The following RIMS2 variants were observed in gnomAD, a reference collection of about 807,000 sequenced individuals.
The protein encoded by RIMS2 is regulating synaptic membrane exocytosis protein 2.
RIMS2 carries 59 observed loss-of-function variants against 174.4 expected under a neutral mutation model. That is an observed-to-expected ratio of 0.34 (90% CI 0.27 to 0.42). The LOEUF is 0.42. Among genes scored for constraint, RIMS2 ranks in the 10% least tolerant of loss-of-function variants. RIMS2 has a pLI of 1.00. For missense variants in RIMS2, 1,620 were observed against 1,666.3 expected (o/e 0.97, Z 0.48); for synonymous variants, 606 against 572.5 (o/e 1.06, Z -0.84).
chr8:103,812,331 GTTT>G (rs71575985), intron 3 of RIMS2, among the ~76,000 whole-genome samples: 1 of 111,612 alleles, frequency 9.0e-6, no homozygotes, highest in Admixed American at 1.1e-4. Flanking sequence ...TTATTACCTT[GTTT>G]TTTTTTTTTT....
At chr8:103,626,830 G>A (rs1181506511) in intron 1 of RIMS2, among the ~76,000 whole-genome samples, 1 of 151,984 alleles carries the variant, frequency 6.6e-6, no homozygotes, top group Non-Finnish European at 1.5e-5. Context: ...AAAAGGGGAG[G>A]GGGGGTGTAC....
chr8:104,223,751 G>T (rs2099168220), intron 19 of RIMS2: 1 of 1,595,824 alleles, frequency 6.3e-7, no homozygotes, highest in Non-Finnish European at 8.5e-7. Context: ...GGCACTGGCC[G>T]GCTACTTTCC....
chr8:103,565,989 A>T (rs1453847181), intron 1 of RIMS2, among the ~76,000 whole-genome samples: 2 of 152,240 alleles, frequency 1.3e-5, no homozygotes, highest in African/African-American at 4.8e-5. Flanking sequence ...ATTAAGAGGC[A>T]GAATGATCAT....
At chr8:103,528,490 G>A in intron 1 of RIMS2, among the ~76,000 whole-genome samples, 1 of 152,128 alleles carries the variant, frequency 6.6e-6, no homozygotes, top group Non-Finnish European at 1.5e-5. Context: ...GAATGGTATT[G>A]CCTAGGTTTT....
intron 19 of RIMS2, among the ~76,000 whole-genome samples, chr8:104,063,921 G>C: frequency 6.6e-6 from 1 of 152,040 alleles, no homozygotes; most frequent in South Asian, 2.1e-4. Flanking sequence ...TGTGTGTTTG[G>C]AAAAGCAAAC....
chr8:104,137,211 T>G (rs916605731), intron 19 of RIMS2, among the ~76,000 whole-genome samples: 2 of 152,332 alleles, frequency 1.3e-5, no homozygotes, highest in African/African-American at 2.4e-5. Context: ...AATAGCTGCT[T>G]CTTCAAATAA....
chr8:104,144,258 C>G (rs190412780), intron 19 of RIMS2, among the ~76,000 whole-genome samples: 3 of 152,172 alleles, frequency 2.0e-5, no homozygotes, highest in Non-Finnish European at 4.4e-5. Flanking sequence ...TAAATATATA[C>G]AGTTTTTATT....
chr8:103,610,415 C>T (rs1321735804), intron 1 of RIMS2, among the ~76,000 whole-genome samples: 2 of 152,086 alleles, frequency 1.3e-5, no homozygotes, highest in South Asian at 2.1e-4. Flanking sequence ...TTCTGATTTT[C>T]AAGGGGAATG....
intron 3 of RIMS2, among the ~76,000 whole-genome samples, chr8:103,800,372 A>G (rs1245436228): frequency 2.6e-5 from 4 of 152,246 alleles, no homozygotes; most frequent in Non-Finnish European, 4.4e-5. Flanking sequence ...AAAATGTTAG[A>G]TAGAAGTGGT....
At chr8:104,192,174 GC>G (rs1484640231) in intron 19 of RIMS2, among the ~76,000 whole-genome samples, 1 of 152,128 alleles carries the variant, frequency 6.6e-6, no homozygotes, top group East Asian at 1.9e-4. Context: ...CATATGAAAT[GC>G]AAATATCAAC....
intron 1 of RIMS2, among the ~76,000 whole-genome samples, chr8:103,510,838 CAT>C (rs1224660803): frequency 5.3e-5 from 8 of 152,052 alleles, no homozygotes; most frequent in Non-Finnish European, 1.2e-4. Context: ...TATAAGGAAA[CAT>C]ATTTATGTGT....
chr8:103,652,565 G>T (rs1169854079), intron 1 of RIMS2, 59 bp from the exon 3 acceptor site: 1 of 909,326 alleles, frequency 1.1e-6, no homozygotes, highest in African/African-American at 1.7e-5. Context: ...ATAAGAAAAC[G>T]TTAACCTACA....
chr8:103,880,255 A>G (rs1054981333), intron 3 of RIMS2, among the ~76,000 whole-genome samples: 5 of 151,628 alleles, frequency 3.3e-5, no homozygotes, highest in African/African-American at 1.2e-4. Flanking sequence ...AAATTTCTAA[A>G]TCCACCAGTT....
intron 3 of RIMS2, among the ~76,000 whole-genome samples, chr8:103,805,443 A>T (rs889051138): frequency 6.6e-6 from 1 of 152,084 alleles, no homozygotes; most frequent in African/African-American, 2.4e-5. Context: ...TGTCACATAT[A>T]ATCAACTATT....
intron 14 of RIMS2, among the ~76,000 whole-genome samples, chr8:103,951,364 G>A (rs1483720483): frequency 6.6e-6 from 1 of 152,232 alleles, no homozygotes; most frequent in Non-Finnish European, 1.5e-5. Flanking sequence ...CTCCCAGCGA[G>A]ATCGACGCAG....
At chr8:103,874,711 A>C (rs2099127462) in intron 3 of RIMS2, among the ~76,000 whole-genome samples, 1 of 152,058 alleles carries the variant, frequency 6.6e-6, no homozygotes. Flanking sequence ...TTTAAAAGAA[A>C]ATTCTAACTG....
In RIMS2 at chr8:103,697,070, T is replaced by C. The variant is rs1262918777; in HGVS notation, c.177-16T>C. ...ATCAGGAAACCAACTTTTTTTCTTA[T>C]CTATTTTCTCTGCAGAAAACTGCAT... On this transcript the variant is annotated splice_polypyrimidine_tract_variant and intron_variant, in intron 1 of 23. Transcript: ENST00000504942. 3 of 1,589,580 alleles carry C rather than the reference T, an allele frequency of 1.9e-6. No homozygotes were observed. The highest frequency in any genetic ancestry group is 3.3e-5 in the Admixed American group (2 of 59,816).
At chr8:104,044,438 A>C (rs1212297494) in intron 19 of RIMS2, among the ~76,000 whole-genome samples, 2 of 151,440 alleles carry the variant, frequency 1.3e-5, no homozygotes, top group Admixed American at 6.6e-5. Flanking sequence ...AATCTTTATG[A>C]TATGCATAAA....
chr8:103,923,588 A>G (rs907849843), intron 10 of RIMS2, among the ~76,000 whole-genome samples: 1 of 151,932 alleles, frequency 6.6e-6, no homozygotes, highest in Non-Finnish European at 1.5e-5. Flanking sequence ...ATGTAAAGTT[A>G]TAGTCTTTAG....
Sources: gnomAD v4.1 joint callset for allele counts (sites outside exome capture counted in the v4.1 genomes callset) on GRCh38, gnomAD v4.1.1 for gene constraint, MANE v1.5 for transcripts, NCBI Gene and HGNC (gene_info 2026-07-23, HGNC 2026-07-21) for gene names.